Variants in LRMDA observed in about 807,000 individuals in gnomAD.
The protein encoded by LRMDA is leucine rich melanocyte differentiation associated.
In LRMDA, 18 loss-of-function variants were observed where a neutral mutation model predicts 29.8. The observed-to-expected ratio is 0.60, with a 90% CI of 0.42 to 0.90. The LOEUF is 0.90. LRMDA is among the 40% of genes least tolerant of loss of function. LRMDA has a pLI of 0.00. For missense variants in LRMDA, 273 were observed against 273.9 expected (o/e 1.00, Z 0.02); for synonymous variants, 125 against 109.4 (o/e 1.14, Z -0.89).
intron 6 of LRMDA, among the ~76,000 whole-genome samples, chr10:76,458,768 T>C (rs1314047206): frequency 6.6e-6 from 1 of 152,164 alleles, no homozygotes; most frequent in Non-Finnish European, 1.5e-5. Flanking sequence ...CTGGCTACAG[T>C]GCATTATTTT....
intron 2 of LRMDA, among the ~76,000 whole-genome samples, chr10:75,487,545 G>A (rs1408323943): frequency 6.6e-6 from 1 of 152,222 alleles, no homozygotes; most frequent in Non-Finnish European, 1.5e-5. Flanking sequence ...TGTGTGGGAG[G>A]TGTGGGAGGT....
chr10:75,706,457 G>A (rs1272367320), intron 2 of LRMDA, among the ~76,000 whole-genome samples: 1 of 151,974 alleles, frequency 6.6e-6, no homozygotes, highest in Non-Finnish European at 1.5e-5. Context: ...GTTACTCCAG[G>A]GTCAAATGAT....
At chr10:76,257,662 G>A (rs1852621870) in intron 5 of LRMDA, among the ~76,000 whole-genome samples, 1 of 152,012 alleles carries the variant, frequency 6.6e-6, no homozygotes, top group South Asian at 2.1e-4. Context: ...TTTTATTTTG[G>A]TTACAGATGA....
At chr10:75,695,941 T>C (rs1409756556) in intron 2 of LRMDA, among the ~76,000 whole-genome samples, 3 of 152,154 alleles carry the variant, frequency 2.0e-5, no homozygotes, top group Admixed American at 6.5e-5. Flanking sequence ...ATAATGGACA[T>C]ATACGTTGAA....
At chr10:76,060,901 A>G (rs2132057243) in intron 5 of LRMDA, among the ~76,000 whole-genome samples, 1 of 152,356 alleles carries the variant, frequency 6.6e-6, no homozygotes, top group South Asian at 2.1e-4. Flanking sequence ...TACTAACTGT[A>G]TTAAGCTTTA....
chr10:76,360,244 T>A (rs1189415819), intron 6 of LRMDA, among the ~76,000 whole-genome samples: 1 of 152,230 alleles, frequency 6.6e-6, no homozygotes, highest in East Asian at 1.9e-4. Context: ...TGCCTCGGCC[T>A]CCCAAAGTGC....
At chr10:76,165,103 G>T (rs1257485197) in intron 5 of LRMDA, among the ~76,000 whole-genome samples, 3 of 152,182 alleles carry the variant, frequency 2.0e-5, no homozygotes, top group Non-Finnish European at 4.4e-5. Context: ...TTCCCAAGTA[G>T]CTGGGATTAC....
chr10:75,891,272 T>C (rs1845486064), intron 2 of LRMDA, among the ~76,000 whole-genome samples: 1 of 152,208 alleles, frequency 6.6e-6, no homozygotes, highest in African/African-American at 2.4e-5. Flanking sequence ...CAGACATGTG[T>C]CTTATAGCCC....
chr10:75,669,842 C>A (rs935194618), intron 2 of LRMDA, among the ~76,000 whole-genome samples: 1 of 152,136 alleles, frequency 6.6e-6, no homozygotes, highest in Admixed American at 6.5e-5. Context: ...TAGCTAAGTA[C>A]TTTTATGGTT....
At chr10:75,893,618 G>A (rs1845531938) in intron 2 of LRMDA, among the ~76,000 whole-genome samples, 1 of 152,164 alleles carries the variant, frequency 6.6e-6, no homozygotes, top group African/African-American at 2.4e-5. Context: ...CCCAGCCCCA[G>A]ACTCATTGGG....
chr10:76,519,598 T>A (rs77086178), intron 6 of LRMDA, among the ~76,000 whole-genome samples: 30 of 152,328 alleles, frequency 2.0e-4, no homozygotes, highest in African/African-American at 6.3e-4. Flanking sequence ...ATGTTTGATA[T>A]ACGGTGACAG....
At chr10:76,059,648 A>G (rs1225813306) in intron 5 of LRMDA, among the ~76,000 whole-genome samples, 2 of 152,218 alleles carry the variant, frequency 1.3e-5, no homozygotes, top group Non-Finnish European at 2.9e-5. Flanking sequence ...CTGATATCCT[A>G]GAAGTCTAGT....
At chr10:76,303,037 A>G (rs534283315) in intron 5 of LRMDA, among the ~76,000 whole-genome samples, 1 of 152,274 alleles carries the variant, frequency 6.6e-6, no homozygotes, top group African/African-American at 2.4e-5. Flanking sequence ...TCTTCCAGGG[A>G]CTGATAAGTT....
chr10:76,475,338 A>G (rs1229976257), intron 6 of LRMDA, among the ~76,000 whole-genome samples: 1 of 151,924 alleles, frequency 6.6e-6, no homozygotes, highest in Non-Finnish European at 1.5e-5. Flanking sequence ...TATGTTTATT[A>G]TATCTCAATA....
intron 5 of LRMDA, among the ~76,000 whole-genome samples, chr10:76,113,811 C>G (rs1469267716): frequency 2.0e-5 from 3 of 152,190 alleles, no homozygotes; most frequent in African/African-American, 7.2e-5. Flanking sequence ...CTCGCCATGG[C>G]AACCTTTTCC....
intron 2 of LRMDA, among the ~76,000 whole-genome samples, chr10:75,733,491 T>C (rs1842724012): frequency 6.6e-6 from 1 of 152,220 alleles, no homozygotes; most frequent in South Asian, 2.1e-4. Flanking sequence ...TGCCCTAACT[T>C]CATGAGCAAA....
chr10:76,340,784 G>C (rs374211026), intron 6 of LRMDA, among the ~76,000 whole-genome samples: 41 of 152,146 alleles, frequency 2.7e-4, no homozygotes, highest in African/African-American at 8.9e-4. Context: ...ACAACACAGA[G>C]CGCAATAAAG....
At chr10:75,482,847 TAG>T (rs1214668285) in intron 2 of LRMDA, among the ~76,000 whole-genome samples, 1 of 152,228 alleles carries the variant, frequency 6.6e-6, no homozygotes, top group Non-Finnish European at 1.5e-5. Flanking sequence ...TTGTTTGCAA[TAG>T]AGTGGTGTGA....
chr10:75,931,743 C>A (rs542820453), intron 2 of LRMDA, among the ~76,000 whole-genome samples: 1 of 152,218 alleles, frequency 6.6e-6, no homozygotes, highest in African/African-American at 2.4e-5. Context: ...CAGCCACTCT[C>A]ATCAGCAATA....
Sources: gnomAD v4.1 joint callset for allele counts (sites outside exome capture counted in the v4.1 genomes callset) on GRCh38, gnomAD v4.1.1 for gene constraint, MANE v1.5 for transcripts, NCBI Gene and HGNC (gene_info 2026-07-23, HGNC 2026-07-21) for gene names.